EMP2: variants seen among roughly 807,000 people sequenced by gnomAD.
The protein encoded by EMP2 is epithelial membrane protein 2.
Under a neutral mutation model 13.7 loss-of-function variants are expected in EMP2, and 19 were observed. The ratio of observed to expected loss-of-function variants is 1.38; its 90% CI spans 0.97 to 2.03. The LOEUF (loss-of-function observed/expected upper bound fraction) is 2.03, where lower values mean the gene tolerates loss of function less well. Ranked by LOEUF, EMP2 falls within the 30% of genes most tolerant of loss-of-function variation. The probability of loss-of-function intolerance (pLI) is 0.00; values close to 1 mark genes in which losing one functional copy is unlikely to be tolerated. For synonymous variants in EMP2, 97 were observed against 84.7 expected (o/e 1.15, Z -0.80); for missense variants, 253 against 220.7 (o/e 1.15, Z -0.93).
In EMP2 at chr16:10,533,763, T is replaced by C. The variant is rs557601842; in HGVS notation, c.317-671A>G. On this transcript the variant is annotated intron_variant, in intron 4 of 4. Coordinates refer to ENST00000359543, the MANE Select transcript of EMP2 (RefSeq NM_001424.6). ...CAATCTGGTTCCTGTTTACTTGTTA[T>C]AGCTGATGGGTCAGTATGTATCCCA... is the stretch of plus-strand genomic sequence containing the variant. 3.0e-4 allele frequency among the ~76,000 whole-genome samples: 46 copies of C among 152,292 alleles called. No homozygotes were observed. In the South Asian group the frequency reaches 8.7e-3, roughly 29 times the overall value.
At chr16:10,561,459 A>G (rs2050870611) in intron 1 of EMP2, among the ~76,000 whole-genome samples, 1 of 152,186 alleles carries the variant, frequency 6.6e-6, no homozygotes, top group Admixed American at 6.5e-5. Flanking sequence ...TGGAAGAGAG[A>G]AGGCCAGGGA....
intron 1 of EMP2, among the ~76,000 whole-genome samples, chr16:10,559,919 C>T (rs1353355453): frequency 1.3e-5 from 2 of 152,184 alleles, no homozygotes; most frequent in East Asian, 3.8e-4. Context: ...ATGTGATCTG[C>T]CTGCCTCAGC....
Position 10,561,090 on chromosome 16 carries a change from G to A in EMP2, c.-60-13413C>T, listed in dbSNP as rs553667213. On this transcript the variant is annotated intron_variant, in intron 1 of 4. Coordinates refer to ENST00000359543, the MANE Select transcript of EMP2 (RefSeq NM_001424.6). The stretch of plus-strand genomic sequence containing the variant: ...GAGAAATGATGAGGGTCTCAAATGA[G>A]TTGGGAACAGAGGGGTGGACAGAAG... 1.2e-4 allele frequency among the ~76,000 whole-genome samples: 18 copies of A among 152,252 alleles called. No homozygotes were observed. The South Asian group carries it at 3.7e-3, about 32-fold the overall frequency.
chr16:10,533,149 AG>A, intron 4 of EMP2, 57 bp from the exon 5 acceptor site: 6 of 1,364,988 alleles, frequency 4.4e-6, no homozygotes, highest in Non-Finnish European at 5.8e-6. Context: ...CACCCTGGGT[AG>A]CCCAGGGGCA....
intron 1 of EMP2, among the ~76,000 whole-genome samples, chr16:10,568,162 T>G (rs1175426534): frequency 6.6e-6 from 1 of 152,184 alleles, no homozygotes; most frequent in Non-Finnish European, 1.5e-5. Context: ...GGGGCTTTAC[T>G]CTAAACCAAT....
chr16:10,540,186 G>A (rs150740098), intron 3 of EMP2, among the ~76,000 whole-genome samples: 1 of 152,206 alleles, frequency 6.6e-6, no homozygotes, highest in African/African-American at 2.4e-5. Flanking sequence ...CACGGAATGA[G>A]AGGGATGCTC....
intron 1 of EMP2, among the ~76,000 whole-genome samples, chr16:10,570,097 G>A (rs1555460841): frequency 6.6e-6 from 1 of 152,198 alleles, no homozygotes; most frequent in Non-Finnish European, 1.5e-5. Context: ...TGAACTATCA[G>A]ATAGGAAGCG....
chr16:10,577,724 C>A (rs1310520935), intron 1 of EMP2, among the ~76,000 whole-genome samples: 1 of 152,144 alleles, frequency 6.6e-6, no homozygotes, highest in Non-Finnish European at 1.5e-5. Flanking sequence ...CCCTCCTGCA[C>A]AGGCATCCCG....
rs761837614 is a variant in EMP2 at position 10,575,237 on chromosome 16, C to CTTTTTTTTTTTTTTTT, written c.-61+5296_-61+5311dup. Among the ~76,000 whole-genome samples the CTTTTTTTTTTTTTTTT allele has an allele frequency of 3.4e-4, 18 of 52,484 alleles. 3 individuals carry two copies. The highest frequency in any genetic ancestry group is 7.7e-4 in the African/African-American group (12 of 15,664). The allele number at this position is 52,484 out of a possible 152,430, so 34.4% of individuals were successfully genotyped here. ...TGGCCTTGGTCCTGGAGCTTGCATT[C>CTTTTTTTTTTTTTTTT]TTTTTTTTTTTTTTTTTTTTTTTTT... On this transcript the variant is annotated intron_variant, in intron 1 of 4. Coordinates refer to ENST00000359543, the MANE Select transcript of EMP2 (RefSeq NM_001424.6).
chr16:10,549,762 CTT>C (rs1292890847), intron 1 of EMP2, among the ~76,000 whole-genome samples: 4 of 151,444 alleles, frequency 2.6e-5, no homozygotes, highest in Admixed American at 6.6e-5. Flanking sequence ...CACTGTCTCT[CTT>C]TTTCTGAACC....
intron 1 of EMP2, among the ~76,000 whole-genome samples, chr16:10,574,593 C>G (rs1427587051): frequency 6.6e-6 from 1 of 152,016 alleles, no homozygotes; most frequent in Non-Finnish European, 1.5e-5. Flanking sequence ...GAGTCTCGCT[C>G]TGTCACCCAG....
intron 1 of EMP2, among the ~76,000 whole-genome samples, chr16:10,579,430 G>C (rs4780951): frequency 0.062 from 9,493 of 152,128 alleles, 427 homozygotes; most frequent in Middle Eastern, 0.12. Flanking sequence ...ATACAACTCA[G>C]TGGCATTAAA....
chr16:10,561,927 C>T (rs1436761248), intron 1 of EMP2, among the ~76,000 whole-genome samples: 1 of 152,190 alleles, frequency 6.6e-6, no homozygotes, highest in East Asian at 1.9e-4. Context: ...TATCCAGGGC[C>T]TGGAGTCTCT....
At chr16:10,572,858 T>A (rs1398146487) in intron 1 of EMP2, among the ~76,000 whole-genome samples, 1 of 152,090 alleles carries the variant, frequency 6.6e-6, no homozygotes, top group East Asian at 1.9e-4. Context: ...AAGCACTCAT[T>A]CTGGGACGGA....
At chr16:10,533,190 T>TTTTTTTTG in intron 4 of EMP2, 98 bp from the exon 5 acceptor site, 1 of 1,116,012 alleles carries the variant, frequency 9.0e-7, no homozygotes, top group Non-Finnish European at 1.2e-6. Flanking sequence ...AAACTTCAGC[T>TTTTTTTTG]TTTATTCTTT....
At position 10,530,032 on chromosome 16, in the gene EMP2, T is replaced by C. The variant is rs2142161734; in HGVS notation, c.*2873A>G. On this transcript the variant is annotated 3_prime_UTR_variant, in exon 5 of 5. Transcript: ENST00000359543. Reference sequence around the variant, plus strand: ...TTAAGATTCAACTTCCTCCATGAGCTTGGGTAGCATCCTGTTAACCCTAGG... The same window carrying C: ...TTAAGATTCAACTTCCTCCATGAGCCTGGGTAGCATCCTGTTAACCCTAGG... 1 of 152,278 alleles carries C rather than the reference T, an allele frequency of 6.6e-6. No individual in the cohort carries two copies. The highest frequency in any genetic ancestry group is 6.5e-5 in the Admixed American group (1 of 15,306). 9.4% of individuals were successfully genotyped at this position (152,278 alleles called of 1,614,324 possible). A position where few individuals can be genotyped will look rare whatever the true frequency, so the allele number is the denominator to read the frequency against.
At chr16:10,558,425 G>A (rs997810862) in intron 1 of EMP2, among the ~76,000 whole-genome samples, 1 of 152,104 alleles carries the variant, frequency 6.6e-6, no homozygotes, top group Non-Finnish European at 1.5e-5. Flanking sequence ...TCTCCTCGCT[G>A]TTTCCTAAGT....
chr16:10,570,943 C>A (rs955917204), intron 1 of EMP2, among the ~76,000 whole-genome samples: 13 of 151,790 alleles, frequency 8.6e-5, no homozygotes, highest in African/African-American at 2.4e-4. Context: ...CAGGTAGAAG[C>A]AGTGGTGAGA....
In EMP2 at chr16:10,530,692, C is replaced by T. The variant is rs3790126; in HGVS notation, c.*2213G>A. 17,550 of 152,398 alleles carry T rather than the reference C, an allele frequency of 0.12. 1,177 individuals carry two copies. Among genetic ancestry groups the T allele is most frequent in the South Asian group, 0.3 (1,443 of 4,816 alleles). 9.4% of individuals were successfully genotyped at this position (152,398 alleles called of 1,614,324 possible). On this transcript the variant is annotated 3_prime_UTR_variant, in exon 5 of 5. Coordinates refer to ENST00000359543, the MANE Select transcript of EMP2 (RefSeq NM_001424.6). The stretch of plus-strand genomic sequence containing the variant: ...TAAAATCACCTGGAAATCATTCACC[C>T]AGACCCTCTGAATCAGCCTGTCCCA...
Sources: gnomAD v4.1 joint callset for allele counts (sites outside exome capture counted in the v4.1 genomes callset) on GRCh38, gnomAD v4.1.1 for gene constraint, MANE v1.5 for transcripts, NCBI Gene and HGNC (gene_info 2026-07-23, HGNC 2026-07-21) for gene names.